Variants in ATP2A1 observed in about 807,000 individuals in gnomAD.
The protein encoded by ATP2A1 is ATPase sarcoplasmic/endoplasmic reticulum Ca2+ transporting 1, also known as sarcoplasmic/endoplasmic reticulum calcium ATPase 1.
In ATP2A1, 83 loss-of-function variants were observed where a neutral mutation model predicts 109.5. The ratio of observed to expected loss-of-function variants is 0.76; its 90% confidence interval spans 0.63 to 0.91. The LOEUF is 0.91. ATP2A1 is among the 40% of genes least tolerant of loss of function. The probability of loss-of-function intolerance (pLI) is 0.00; values close to 1 mark genes in which losing one functional copy is unlikely to be tolerated. For missense variants in ATP2A1, 1,101 were observed against 1,341.0 expected (o/e 0.82, Z 2.80); for synonymous variants, 505 against 537.6 (o/e 0.94, Z 0.84).
chr16:28,878,695 C>A lies in ATP2A1; in HGVS notation c.24C>A (p.Thr8=). ...CAATGGAGGCCGCTCATGCTAAAACCACGGAGGAATGTTTGGCCTATTTTG... is the reference window on the plus strand; with the variant it reads ...CAATGGAGGCCGCTCATGCTAAAACAACGGAGGAATGTTTGGCCTATTTTG... MEAAHAK[T]TEECLAYFGV... The change falls in exon 1 of 23, where the codon ACC becomes ACA. Residue 8 remains threonine, a synonymous_variant. Coordinates refer to ENST00000395503, the MANE Select transcript of ATP2A1 (RefSeq NM_004320.6). 1 of 1,608,152 alleles carries A rather than the reference C, an allele frequency of 6.2e-7. No homozygotes were observed. Among genetic ancestry groups the A allele is most frequent in the South Asian group, 1.1e-5 (1 of 90,118 alleles).
chr16:28,897,900 T>A (rs1254230772), intron 12 of ATP2A1, 100 bp from the exon 13 acceptor site: 17 of 1,469,152 alleles, frequency 1.2e-5, no homozygotes, highest in Admixed American at 1.0e-4. Context: ...GGGACCAGAC[T>A]TAGTGTTAGT....
intron 14 of ATP2A1, among the ~76,000 whole-genome samples, chr16:28,899,650 C>A (rs1434746448): frequency 3.7e-5 from 4 of 106,780 alleles, no homozygotes; most frequent in African/African-American, 6.9e-5. Flanking sequence ...TGCGCCCGCC[C>A]CCCCCCCCCC....
rs201182451 is a variant in ATP2A1 at position 28,879,606 on chromosome 16, G to A, written c.219+23G>A. The A allele has an allele frequency of 6.8e-6, 11 of 1,611,396 alleles. No individual in the cohort carries two copies. The East Asian group carries it at 1.6e-4, about 23-fold the overall frequency. ...TTCGTAAGTGTGGGAGGGTCTCTGG[G>A]GGCTGGCTGGGGGTGTGAGGCTGGG... On this transcript the variant is annotated intron_variant, in intron 3 of 22. Transcript: ENST00000395503.
At chr16:28,882,730 TC>T (rs1963521657) in intron 5 of ATP2A1, 141 bp downstream of exon 5, 1 of 1,343,758 alleles carries the variant, frequency 7.4e-7, no homozygotes, top group Non-Finnish European at 1.0e-6. Flanking sequence ...CAGAAGGTCA[TC>T]CCAGGCCACT....
intron 15 of ATP2A1, among the ~76,000 whole-genome samples, chr16:28,901,589 C>T (rs953540333): frequency 6.6e-6 from 1 of 151,948 alleles, no homozygotes; most frequent in Non-Finnish European, 1.5e-5. Context: ...GCTGAGATTG[C>T]GCCACTGCAT....
At chr16:28,887,121 G>A in intron 6 of ATP2A1, 68 bp from the exon 7 acceptor site, 1 of 1,517,122 alleles carries the variant, frequency 6.6e-7, no homozygotes, top group Non-Finnish European at 9.2e-7. Context: ...CAGGGAGAGA[G>A]TTAGGCACGG....
Position 28,903,835 on chromosome 16 carries a change from C to T in ATP2A1, c.*37+94C>T. On this transcript the variant is annotated intron_variant, in intron 22 of 22. Coordinates refer to ENST00000395503, the MANE Select transcript of ATP2A1 (RefSeq NM_004320.6). This position sits in a 1 kb window ranked among gnomAD's most constrained non-coding sequence, Gnocchi z 5.6. ...CGCGTCGCATCCAAGGTCACTTGTG[C>T]TCGCAGCTCCACCTGGAGCCGTTGC... 8.3e-7 allele frequency: 1 copy of T among 1,208,004 alleles called. No homozygotes were observed. Among genetic ancestry groups the T allele is most frequent in the Non-Finnish European group, 1.2e-6 (1 of 814,924 alleles). The allele number at this position is 1,208,004 out of a possible 1,614,324, so 74.8% of individuals were successfully genotyped here. A position where few individuals can be genotyped will look rare whatever the true frequency, so the allele number is the denominator to read the frequency against.
Position 28,902,160 on chromosome 16 carries a change from G to A in ATP2A1, c.2322-24G>A. 4 of 1,614,076 alleles carry A rather than the reference G, an allele frequency of 2.5e-6. No individual in the cohort carries two copies. Among genetic ancestry groups the A allele is most frequent in the Non-Finnish European group, 3.4e-6 (4 of 1,179,912 alleles). On this transcript the variant is annotated intron_variant, in intron 16 of 22. Transcript: ENST00000395503. This position sits in a 1 kb window ranked among gnomAD's most constrained non-coding sequence, Gnocchi z 4.8. ...CTGCAGGTCTGGGAGGCAGGACAGA[G>A]GTGTGACCACCTCCTTCCCACAGTA...
At chr16:28,895,837 C>A (rs1963905478) in intron 12 of ATP2A1, among the ~76,000 whole-genome samples, 1 of 152,198 alleles carries the variant, frequency 6.6e-6, no homozygotes, top group East Asian at 1.9e-4. Context: ...GCACTCCAGC[C>A]TGGGCAACAG....
At position 28,894,153 on chromosome 16, in the gene ATP2A1, A is replaced by G; in HGVS notation, c.1096-2A>G. On this transcript the variant is annotated splice_acceptor_variant, in intron 9 of 22. Coordinates refer to ENST00000395503, the MANE Select transcript of ATP2A1 (RefSeq NM_004320.6). LOFTEE classifies it high-confidence loss of function. Reference sequence around the variant, plus strand: ...CTGTGTGCCTGCCCTTCTCCCCTGCAGATGTTTATCATTGACAAGGTGGAT... The same window carrying G: ...CTGTGTGCCTGCCCTTCTCCCCTGCGGATGTTTATCATTGACAAGGTGGAT... 6.2e-7 allele frequency: 1 copy of G among 1,613,800 alleles called. No individual in the cohort carries two copies. Among genetic ancestry groups the G allele is most frequent in the South Asian group, 1.1e-5 (1 of 91,036 alleles).
In ATP2A1 at chr16:28,900,682, C is replaced by T. The variant is rs542977726; in HGVS notation, c.1866C>T (p.Ile622=). The change falls in exon 15 of 23, where the codon ATC becomes ATT. Residue 622 remains isoleucine (I), a synonymous_variant. Transcript: ENST00000395503. ...GCCGTGACGCCGGGATCCGGGTGAT[C>T]ATGATCACTGGGGACAACAAGGGCA... ...QLCRDAGIRV[I]MITGDNKGTA... 2 of 1,613,334 alleles carry T rather than the reference C, an allele frequency of 1.2e-6. No individual in the cohort carries two copies. Among genetic ancestry groups the T allele is most frequent in the South Asian group, 2.2e-5 (2 of 91,040 alleles).
At chr16:28,879,681 C>G in intron 3 of ATP2A1, 98 bp downstream of exon 3, 3 of 1,365,070 alleles carry the variant, frequency 2.2e-6, no homozygotes, top group Admixed American at 1.9e-5. Flanking sequence ...GTCCGAGTCC[C>G]GAGCATCCCA....
At position 28,878,695 on chromosome 16, in the gene ATP2A1, C is replaced by T. The variant is rs1963349746; in HGVS notation, c.24C>T (p.Thr8=). The T allele has an allele frequency of 1.2e-6, 2 of 1,608,152 alleles. No individual in the cohort carries two copies. Among genetic ancestry groups the T allele is most frequent in the South Asian group, 2.2e-5 (2 of 90,118 alleles). MEAAHAK[T]TEECLAYFGV... ...CAATGGAGGCCGCTCATGCTAAAAC[C>T]ACGGAGGAATGTTTGGCCTATTTTG... is the stretch of plus-strand genomic sequence containing the variant. Residue 8 remains threonine, a synonymous_variant, in exon 1 of 23, where the codon ACC becomes ACT. Coordinates refer to ENST00000395503, the MANE Select transcript of ATP2A1 (RefSeq NM_004320.6).
intron 2 of ATP2A1, 158 bp downstream of exon 2, chr16:28,879,274 G>T (rs1963378934): frequency 6.7e-6 from 7 of 1,038,008 alleles, no homozygotes. Context: ...CGGGGCAGAA[G>T]TCTCCCAGGC....
rs1277432461 is a variant in ATP2A1, at chr16:28,883,662, CCGA to C, written c.464-911_464-909del. On this transcript the variant is annotated intron_variant, in intron 5 of 22. Coordinates refer to ENST00000395503, the MANE Select transcript of ATP2A1 (RefSeq NM_004320.6). This position sits in a 1 kb window ranked among gnomAD's most constrained non-coding sequence, Gnocchi z 5.2. ...GCTGGGCATCCACCTCTCCAGCCCC[CCGA>C]CAAGGTGGTTTCCATGGCCTGCCAG... is the stretch of plus-strand genomic sequence containing the variant. Among the ~76,000 whole-genome samples the C allele has an allele frequency of 6.6e-6, 1 of 152,146 alleles. No individual in the cohort carries two copies. Among genetic ancestry groups the C allele is most frequent in the African/African-American group, 2.4e-5 (1 of 41,426 alleles).
At chr16:28,897,778 A>G (rs577846596) in intron 12 of ATP2A1, among the ~76,000 whole-genome samples, 1 of 152,232 alleles carries the variant, frequency 6.6e-6, no homozygotes, top group Non-Finnish European at 1.5e-5. Context: ...CCAATAATGA[A>G]AGTTCTGTGG....
chr16:28,889,258 A>G (rs1010593344), intron 9 of ATP2A1, among the ~76,000 whole-genome samples: 2 of 151,980 alleles, frequency 1.3e-5, no homozygotes, highest in African/African-American at 4.8e-5. Context: ...TTAATTAAAA[A>G]AAATTATTAT....
Position 28,900,902 on chromosome 16 carries a change from G to A in ATP2A1, c.2086G>A (p.Glu696Lys). The change falls in exon 15 of 23, where the codon GAG (glutamate) becomes AAG (lysine). Residue 696 changes from glutamate (E) to lysine (K), a missense_variant. Glu to Lys is a moderately conservative substitution (Grantham distance 56, BLOSUM62 1). Transcript: ENST00000395503. ...TGTGGAGTACCTGCAGTCCTACGAT[G>A]AGATCACAGCCATGGTGAGAGGGCC... ...KIVEYLQSYD[E>K]ITAMTGDGVN... 1.2e-6 allele frequency: 2 copies of A among 1,614,200 alleles called. No homozygotes were observed. Among genetic ancestry groups the A allele is most frequent in the Non-Finnish European group, 1.7e-6 (2 of 1,180,048 alleles).
rs377187267 is a variant in ATP2A1, at chr16:28,894,359, C to A, written c.1184+116C>A. 34 of 1,299,286 alleles carry A rather than the reference C, an allele frequency of 2.6e-5. No homozygotes were observed. In the African/African-American group the frequency reaches 4.3e-4, roughly 16 times the overall value. 80.5% of individuals were successfully genotyped at this position (1,299,286 alleles called of 1,614,324 possible). Reference sequence around the variant, plus strand: ...TTTCACTCTCCTCTTCCTCCCCGACCTTGTTCTCTCTCCTGATATCCGAGT... The same window carrying A: ...TTTCACTCTCCTCTTCCTCCCCGACATTGTTCTCTCTCCTGATATCCGAGT... On this transcript the variant is annotated intron_variant, in intron 10 of 22. Transcript: ENST00000395503.
Sources: gnomAD v4.1 joint callset for allele counts (sites outside exome capture counted in the v4.1 genomes callset) on GRCh38, gnomAD v4.1.1 for gene constraint, Gnocchi (gnomAD v3.1) non-coding constraint, MANE v1.5 for transcripts, NCBI Gene and HGNC (gene_info 2026-07-23, HGNC 2026-07-21) for gene names.